PCDHGA9: variants seen among roughly 807,000 people sequenced by gnomAD.
PCDHGA9 encodes protocadherin gamma subfamily A, 9, also known as protocadherin gamma-A9.
PCDHGA9 carries 37 observed loss-of-function variants against 62.5 expected under a neutral mutation model. That is an observed-to-expected ratio of 0.59 (90% CI 0.46 to 0.78). The LOEUF is 0.78. Among genes scored for constraint, PCDHGA9 ranks in the 30% least tolerant of loss-of-function variants. PCDHGA9 has a pLI of 0.00. For synonymous variants in PCDHGA9, 459 were observed against 484.6 expected (o/e 0.95, Z 0.69); for missense variants, 1,138 against 1,166.2 (o/e 0.98, Z 0.35).
At chr5:141,455,959 G>A (rs112864392) in intron 1 of PCDHGA9, among the ~76,000 whole-genome samples, 2 of 150,430 alleles carry the variant, frequency 1.3e-5, no homozygotes. Flanking sequence ...GTGCAGTGGC[G>A]CGATCTCAGC....
Position 141,489,712 on chromosome 5 carries a change from C to T in PCDHGA9, c.2425-5095C>T. On this transcript the variant is annotated intron_variant, in intron 1 of 3. Coordinates refer to ENST00000573521, the MANE Select transcript of PCDHGA9 (RefSeq NM_018921.3). The surrounding 1 kb of genome is among the most constrained non-coding windows in gnomAD (Gnocchi z 4.5). The stretch of plus-strand genomic sequence containing the variant: ...GGCACGATTCCCACTGGACAGTGCC[C>T]AGGATCCGGATGTGGGCACCAATAC... The T allele has an allele frequency of 6.2e-7, 1 of 1,614,162 alleles. No individual in the cohort carries two copies. The highest frequency in any genetic ancestry group is 1.1e-5 in the South Asian group (1 of 91,078).
chr5:141,483,213 C>T (rs1343903817), intron 1 of PCDHGA9, among the ~76,000 whole-genome samples: 1 of 152,142 alleles, frequency 6.6e-6, no homozygotes, highest in Non-Finnish European at 1.5e-5. Flanking sequence ...ATATAGATGA[C>T]AGTCACTGCA....
At chr5:141,460,993 A>T (rs1230217075) in intron 1 of PCDHGA9, among the ~76,000 whole-genome samples, 1 of 143,898 alleles carries the variant, frequency 6.9e-6, no homozygotes, top group South Asian at 2.2e-4. Flanking sequence ...GTATATATAT[A>T]TATGTGTATA....
chr5:141,415,368 T>C (rs762653261), intron 1 of PCDHGA9: 1 of 1,614,244 alleles, frequency 6.2e-7, no homozygotes, highest in Non-Finnish European at 8.5e-7. Context: ...TGCTGCAGGC[T>C]TCAGGAGGCG....
chr5:141,484,647 G>C (rs556711906), intron 1 of PCDHGA9, among the ~76,000 whole-genome samples: 1 of 151,948 alleles, frequency 6.6e-6, no homozygotes, highest in African/African-American at 2.4e-5. Context: ...CTCTCCAATG[G>C]CTACTCTCCC....
chr5:141,440,527 T>G (rs1282939317), intron 1 of PCDHGA9: 3 of 152,222 alleles, frequency 2.0e-5, no homozygotes, highest in African/African-American at 7.2e-5. Context: ...TGAAGAATCA[T>G]GCACCACGGT....
intron 1 of PCDHGA9, among the ~76,000 whole-genome samples, chr5:141,444,942 A>C (rs1272061494): frequency 6.6e-6 from 1 of 152,082 alleles, no homozygotes; most frequent in Non-Finnish European, 1.5e-5. Flanking sequence ...AGGAGGGAGG[A>C]GGATCATCTT....
chr5:141,469,049 G>A (rs916327969), intron 1 of PCDHGA9, among the ~76,000 whole-genome samples: 3 of 152,054 alleles, frequency 2.0e-5, no homozygotes, highest in African/African-American at 2.4e-5. Context: ...GGCCAAGGTG[G>A]GAGGATTGCT....
At chr5:141,440,579 C>G (rs1004258822) in intron 1 of PCDHGA9, 12 of 152,188 alleles carry the variant, frequency 7.9e-5, no homozygotes, top group African/African-American at 2.7e-4. Flanking sequence ...TGAGTTTACC[C>G]AGCTGGAACA....
In PCDHGA9 at chr5:141,431,716, G is replaced by T; in HGVS notation, c.2424+26340G>T. On this transcript the variant is annotated intron_variant, in intron 1 of 3. Transcript: ENST00000573521. The surrounding 1 kb of genome is among the most constrained non-coding windows in gnomAD (Gnocchi z 4.8). ...AGTCAGGATTCTACCAGATGGAAGT[G>T]CAAGCAATGGATAATGCAGGATATT... 1 of 1,614,244 alleles carries T rather than the reference G, an allele frequency of 6.2e-7. No homozygotes were observed. Among genetic ancestry groups the T allele is most frequent in the Middle Eastern group, 1.6e-4 (1 of 6,062 alleles).
intron 1 of PCDHGA9, among the ~76,000 whole-genome samples, chr5:141,470,842 C>A (rs2099241464): frequency 6.6e-6 from 1 of 152,044 alleles, no homozygotes; most frequent in Non-Finnish European, 1.5e-5. Context: ...CACACGCCAC[C>A]ATGCTCAGAT....
chr5:141,486,555 A>T lies in PCDHGA9; in HGVS notation c.2425-8252A>T, dbSNP rs746001345. The T allele has an allele frequency of 6.2e-6, 10 of 1,614,078 alleles. No individual in the cohort carries two copies. Among genetic ancestry groups the T allele is most frequent in the Non-Finnish European group, 7.6e-6 (9 of 1,180,022 alleles). ...CCCTCTTTCTTTCAGAGGTCACATGAGGTGTTTGTTCCTGAGAACAATCGC... is the reference window on the plus strand; with the variant it reads ...CCCTCTTTCTTTCAGAGGTCACATGTGGTGTTTGTTCCTGAGAACAATCGC... On this transcript the variant is annotated intron_variant, in intron 1 of 3. Transcript: ENST00000573521. This position sits in a 1 kb window ranked among gnomAD's most constrained non-coding sequence, Gnocchi z 5.0.
chr5:141,497,540 C>CA (rs1491509812), intron 2 of PCDHGA9, among the ~76,000 whole-genome samples: 7 of 134,922 alleles, frequency 5.2e-5, no homozygotes, highest in Admixed American at 1.5e-4. Flanking sequence ...TGCAACAAAC[C>CA]TTTTTTTTTT....
At chr5:141,435,863 C>T (rs772361494) in intron 1 of PCDHGA9, among the ~76,000 whole-genome samples, 16 of 151,882 alleles carry the variant, frequency 1.1e-4, no homozygotes, top group Non-Finnish European at 2.2e-4. Context: ...TAGTTAAAAC[C>T]CAGAAAAGAG....
intron 1 of PCDHGA9, among the ~76,000 whole-genome samples, chr5:141,459,971 A>G (rs1458539493): frequency 2.6e-5 from 4 of 152,208 alleles, no homozygotes; most frequent in Non-Finnish European, 5.9e-5. Flanking sequence ...CCAGCTACTC[A>G]GGAGGCTGAG....
intron 1 of PCDHGA9, among the ~76,000 whole-genome samples, chr5:141,433,853 A>C (rs934981508): frequency 1.3e-5 from 2 of 151,912 alleles, no homozygotes; most frequent in African/African-American, 2.4e-5. Context: ...AAAAAAAAAA[A>C]AACTTTATCC....
chr5:141,405,414 T>G, intron 1 of PCDHGA9, 38 bp downstream of exon 1: 3 of 1,562,312 alleles, frequency 1.9e-6, no homozygotes, highest in Non-Finnish European at 2.6e-6. Flanking sequence ...TTTCTTTTTT[T>G]GTTTTTTGTT....
intron 1 of PCDHGA9, chr5:141,412,049 T>C (rs2095532088): frequency 1.3e-5 from 2 of 152,256 alleles, no homozygotes; most frequent in Admixed American, 1.3e-4. Flanking sequence ...AGTGAACTTC[T>C]ATACCCTTTG....
At chr5:141,462,302 A>C (rs2099036796) in intron 1 of PCDHGA9, among the ~76,000 whole-genome samples, 1 of 152,222 alleles carries the variant, frequency 6.6e-6, no homozygotes, top group African/African-American at 2.4e-5. Context: ...GTATTACCCA[A>C]ATATATTTGT....
Sources: allele counts gnomAD v4.1 joint callset (sites outside exome capture counted in the v4.1 genomes callset), GRCh38; gene constraint gnomAD v4.1.1; non-coding constraint Gnocchi (gnomAD v3.1); transcripts MANE v1.5; gene names NCBI Gene and HGNC (gene_info 2026-07-23, HGNC 2026-07-21).